The following KIAA1549L variants were observed in gnomAD, a reference collection of about 807,000 sequenced individuals.
KIAA1549L encodes the protein UPF0606 protein KIAA1549L.
A neutral mutation model predicts 160.7 loss-of-function variants in KIAA1549L; 88 were observed. The observed-to-expected ratio is 0.55, with a 90% CI of 0.46 to 0.65. The LOEUF is 0.65. KIAA1549L is among the 30% of genes least tolerant of loss of function. The pLI is 0.00. For missense variants in KIAA1549L, 2,258 were observed against 2,437.5 expected, an observed-to-expected ratio of 0.93 and a Z score of 1.55; for synonymous variants, 950 against 976.7, an observed-to-expected ratio of 0.97 and a Z score of 0.51.
intron 1 of KIAA1549L, among the ~76,000 whole-genome samples, chr11:33,454,540 T>C (rs1235729051): frequency 6.6e-6 from 1 of 152,056 alleles, no homozygotes; most frequent in South Asian, 2.1e-4. Flanking sequence ...ATTATAGTAA[T>C]TGATGCATTT....
intron 1 of KIAA1549L, among the ~76,000 whole-genome samples, chr11:33,423,450 A>G (rs1851058730): frequency 6.6e-6 from 1 of 152,222 alleles, no homozygotes; most frequent in Non-Finnish European, 1.5e-5. Context: ...TAAAGATGCA[A>G]CTTGCAGTGG....
intron 1 of KIAA1549L, among the ~76,000 whole-genome samples, chr11:33,451,551 A>G (rs1396907635): frequency 3.9e-5 from 6 of 152,224 alleles, no homozygotes; most frequent in African/African-American, 1.2e-4. Context: ...CGTAAATGTC[A>G]TTAAATTTTA....
intron 17 of KIAA1549L, among the ~76,000 whole-genome samples, chr11:33,649,516 A>AG (rs1266741817): frequency 6.6e-6 from 1 of 150,900 alleles, no homozygotes; most frequent in Non-Finnish European, 1.5e-5. Flanking sequence ...AAAAAAAAAA[A>AG]AAAAAAAAAA....
intron 1 of KIAA1549L, among the ~76,000 whole-genome samples, chr11:33,456,927 A>G (rs1851836312): frequency 6.6e-6 from 1 of 152,222 alleles, no homozygotes; most frequent in African/African-American, 2.4e-5. Context: ...AGTAGATTTC[A>G]TCTCCACATT....
chr11:33,609,937 CTG>C lies in KIAA1549L; in HGVS notation c.5253_5254del (p.Ala1752SerfsTer6). 1 of 1,613,890 alleles carries C rather than the reference CTG, an allele frequency of 6.2e-7. No individual in the cohort carries two copies. Among genetic ancestry groups the C allele is most frequent in the Non-Finnish European group, 8.5e-7 (1 of 1,179,842 alleles). On this transcript the variant is annotated frameshift_variant, in exon 15 of 21. Transcript: ENST00000658780. LOFTEE classifies it high-confidence loss of function. ...ATGTTTTGGATCCAGATTCAGAACT[CTG>C]TGCTCCATTCACCGAGTCTAAAAAC... The part of the protein sequence containing the change: ...EHVLDPDSEL[C>X]APFTESKNRQ...
chr11:33,535,080 G>T (rs1853863974), intron 1 of KIAA1549L, among the ~76,000 whole-genome samples: 1 of 152,134 alleles, frequency 6.6e-6, no homozygotes, highest in South Asian at 2.1e-4. Flanking sequence ...CTGGAGGCTT[G>T]GCTGGGGAAG....
At chr11:33,490,787 A>C (rs1852639943) in intron 1 of KIAA1549L, among the ~76,000 whole-genome samples, 1 of 152,040 alleles carries the variant, frequency 6.6e-6, no homozygotes, top group Admixed American at 6.6e-5. Flanking sequence ...GTGCTCTCAA[A>C]CTCTAAAATG....
intron 15 of KIAA1549L, among the ~76,000 whole-genome samples, chr11:33,612,624 A>C (rs1438144347): frequency 7.1e-6 from 1 of 140,318 alleles, no homozygotes; most frequent in Non-Finnish European, 1.6e-5. Context: ...CTTTTCTTTT[A>C]GGTTTGAAGT....
Position 33,515,656 on chromosome 11 carries a change from G to A in KIAA1549L, c.239-26146G>A, listed in dbSNP as rs185052097. Among the ~76,000 whole-genome samples the A allele has an allele frequency of 3.9e-5, 6 of 152,328 alleles. No homozygotes were observed. In the East Asian group the frequency reaches 5.8e-4, roughly 15 times the overall value. On this transcript the variant is annotated intron_variant, in intron 1 of 20. Transcript: ENST00000658780. ...GGTTACTTTGCATAGCAACTGCAGC[G>A]TGGGATACAAGTCTGTTTTCTGGCC...
chr11:33,553,955 C>G (rs1208121065), intron 6 of KIAA1549L, among the ~76,000 whole-genome samples: 1 of 152,198 alleles, frequency 6.6e-6, no homozygotes, highest in Non-Finnish European at 1.5e-5. Context: ...AAGATTACAT[C>G]TAAATAGATT....
chr11:33,412,420 C>CCA (rs1850802822), intron 1 of KIAA1549L, among the ~76,000 whole-genome samples: 2 of 152,220 alleles, frequency 1.3e-5, no homozygotes, highest in Non-Finnish European at 2.9e-5. Flanking sequence ...CTAAATCTTG[C>CCA]TAATAGAGGC....
intron 14 of KIAA1549L, among the ~76,000 whole-genome samples, chr11:33,607,227 A>G (rs1274742046): frequency 1.3e-5 from 2 of 152,196 alleles, no homozygotes; most frequent in East Asian, 3.9e-4. Flanking sequence ...CAGGGAAGAT[A>G]ACGTCATATG....
chr11:33,502,579 C>T (rs1852977393), intron 1 of KIAA1549L, among the ~76,000 whole-genome samples: 1 of 152,196 alleles, frequency 6.6e-6, no homozygotes, highest in African/African-American at 2.4e-5. Context: ...CACAAGATGA[C>T]ATTTAATGGG....
intron 1 of KIAA1549L, among the ~76,000 whole-genome samples, chr11:33,424,918 G>A (rs1172949668): frequency 6.6e-6 from 1 of 152,206 alleles, no homozygotes; most frequent in East Asian, 1.9e-4. Context: ...CCTCTGTACA[G>A]AGGGCATGAG....
At chr11:33,593,494 A>G (rs1342810358) in intron 12 of KIAA1549L, among the ~76,000 whole-genome samples, 1 of 152,222 alleles carries the variant, frequency 6.6e-6, no homozygotes, top group East Asian at 1.9e-4. Flanking sequence ...GCTGTGTGGC[A>G]AACAGACTGT....
intron 17 of KIAA1549L, among the ~76,000 whole-genome samples, chr11:33,650,323 G>C (rs1316499910): frequency 6.6e-6 from 1 of 152,230 alleles, no homozygotes; most frequent in Non-Finnish European, 1.5e-5. Context: ...AAGGCTGTGT[G>C]AGAAGGGAGA....
At chr11:33,634,038 TTTGTTG>T (rs753973969) in intron 16 of KIAA1549L, among the ~76,000 whole-genome samples, 1 of 152,058 alleles carries the variant, frequency 6.6e-6, no homozygotes, top group African/African-American at 2.4e-5. Context: ...CTACTCTGTT[TTTGTTG>T]TTGTTGTTGT....
At chr11:33,603,397 C>T (rs1036959820) in intron 13 of KIAA1549L, among the ~76,000 whole-genome samples, 31 of 151,874 alleles carry the variant, frequency 2.0e-4, no homozygotes, top group African/African-American at 7.5e-4. Flanking sequence ...TTTTAAGCTG[C>T]AACTTGAAAA....
chr11:33,638,241 C>G (rs78141492), intron 16 of KIAA1549L, among the ~76,000 whole-genome samples: 1,794 of 152,120 alleles, frequency 0.012, 13 homozygotes, highest in Non-Finnish European at 0.019. Context: ...CAGAAAACTC[C>G]CTCACTTTTT....
Sources: allele counts gnomAD v4.1 joint callset (sites outside exome capture counted in the v4.1 genomes callset), GRCh38; gene constraint gnomAD v4.1.1; transcripts MANE v1.5; gene names NCBI Gene and HGNC (gene_info 2026-07-23, HGNC 2026-07-21).